RCAN2: variants seen among roughly 807,000 people sequenced by gnomAD.
RCAN2 encodes calcipressin-2.
RCAN2 carries 9 observed loss-of-function variants against 23.6 expected under a neutral mutation model. That is an observed-to-expected ratio of 0.38 (90% CI 0.23 to 0.67). The LOEUF is 0.67. RCAN2 is among the 30% of genes least tolerant of loss of function. RCAN2 has a pLI of 0.51. For missense variants in RCAN2, 273 were observed against 302.3 expected (o/e 0.90, Z 0.72); for synonymous variants, 109 against 115.7 (o/e 0.94, Z 0.37).
intron 4 of RCAN2, among the ~76,000 whole-genome samples, chr6:46,233,804 C>T (rs566511266): frequency 4.6e-5 from 7 of 151,620 alleles, no homozygotes; most frequent in Admixed American, 1.3e-4. Flanking sequence ...CTTGGCTCAC[C>T]GCAACCTCTG....
At position 46,273,410 on chromosome 6, in the gene RCAN2, A is replaced by C. The variant is rs1249696103; in HGVS notation, c.226-24514T>G. Reference sequence around the variant, plus strand: ...TTCAGGGTTTAAAAGTTGCTTTCACATGTGTTGTCTACCTTTGATATTGAT... The same window carrying C: ...TTCAGGGTTTAAAAGTTGCTTTCACCTGTGTTGTCTACCTTTGATATTGAT... On this transcript the variant is annotated intron_variant, in intron 2 of 4. Coordinates refer to ENST00000371374, the MANE Select transcript of RCAN2 (RefSeq NM_001251974.2). Among the ~76,000 whole-genome samples, 4 of 152,188 alleles carry C rather than the reference A, an allele frequency of 2.6e-5. No homozygotes were observed. The East Asian group carries it at 7.7e-4, about 29-fold the overall frequency.
chr6:46,241,740 G>A (rs909001077), intron 4 of RCAN2, among the ~76,000 whole-genome samples: 9 of 152,034 alleles, frequency 5.9e-5, no homozygotes, highest in Non-Finnish European at 8.8e-5. Context: ...TAGCTGTGTC[G>A]CCTTGGGCAA....
intron 2 of RCAN2, among the ~76,000 whole-genome samples, chr6:46,369,932 G>A (rs1241325139): frequency 6.6e-6 from 1 of 152,142 alleles, no homozygotes; most frequent in Non-Finnish European, 1.5e-5. Flanking sequence ...CCCTTAGAGG[G>A]TAGGGTGTTC....
chr6:46,302,430 A>G (rs1762931036), intron 2 of RCAN2, among the ~76,000 whole-genome samples: 1 of 152,090 alleles, frequency 6.6e-6, no homozygotes, highest in Non-Finnish European at 1.5e-5. Context: ...TCTGCTGCCC[A>G]GATCACCAGA....
Position 46,373,773 on chromosome 6 carries a change from G to A in RCAN2, c.225+82979C>T, listed in dbSNP as rs533743015. Among the ~76,000 whole-genome samples, 13 of 152,210 alleles carry A rather than the reference G, an allele frequency of 8.5e-5. No individual in the cohort carries two copies. In the East Asian group the frequency reaches 2.3e-3, roughly 27 times the overall value. ...GAACTTTTTGACTGAGACTTTTGAC[G>A]TATGAGAAGATGAATCAGTCTCTAT... On this transcript the variant is annotated intron_variant, in intron 2 of 4. Transcript: ENST00000371374.
chr6:46,273,612 G>GA (rs1278244222), intron 2 of RCAN2, among the ~76,000 whole-genome samples: 1 of 151,944 alleles, frequency 6.6e-6, no homozygotes, highest in East Asian at 1.9e-4. Flanking sequence ...TATCACATGA[G>GA]AAAAAAATCT....
intron 1 of RCAN2, among the ~76,000 whole-genome samples, chr6:46,468,175 T>A (rs1768447454): frequency 6.6e-6 from 1 of 152,198 alleles, no homozygotes; most frequent in African/African-American, 2.4e-5. Context: ...AATTATACCT[T>A]TACTTAATCT....
intron 1 of RCAN2, among the ~76,000 whole-genome samples, chr6:46,467,473 T>C (rs967125365): frequency 6.6e-6 from 1 of 152,202 alleles, no homozygotes; most frequent in South Asian, 2.1e-4. Flanking sequence ...CTATTATAAG[T>C]GTTAACCATC....
chr6:46,402,926 C>T (rs1461270433), intron 2 of RCAN2, among the ~76,000 whole-genome samples: 1 of 152,072 alleles, frequency 6.6e-6, no homozygotes, highest in Non-Finnish European at 1.5e-5. Flanking sequence ...AAGCCCTTGG[C>T]CCCTACAACA....
chr6:46,384,682 T>C (rs1765696123), intron 2 of RCAN2, among the ~76,000 whole-genome samples: 2 of 152,236 alleles, frequency 1.3e-5, no homozygotes, highest in Admixed American at 6.5e-5. Flanking sequence ...ATAGGACATA[T>C]TGTATGATTA....
chr6:46,454,853 C>T (rs921854989), intron 2 of RCAN2, among the ~76,000 whole-genome samples: 4 of 152,142 alleles, frequency 2.6e-5, no homozygotes, highest in Non-Finnish European at 5.9e-5. Flanking sequence ...CCATGAACTC[C>T]CCCCTCCAGC....
intron 2 of RCAN2, among the ~76,000 whole-genome samples, chr6:46,381,483 C>A (rs985506214): frequency 2.0e-5 from 3 of 152,132 alleles, no homozygotes; most frequent in Admixed American, 6.5e-5. Context: ...TGAGCTATAT[C>A]GCCTTTTACA....
intron 2 of RCAN2, among the ~76,000 whole-genome samples, chr6:46,416,009 T>A (rs955428429): frequency 2.6e-5 from 4 of 152,236 alleles, no homozygotes; most frequent in African/African-American, 9.6e-5. Context: ...ATTGTTGTTA[T>A]GCTGTATTGT....
intron 4 of RCAN2, among the ~76,000 whole-genome samples, chr6:46,237,097 T>C (rs1163047433): frequency 6.6e-6 from 1 of 152,226 alleles, no homozygotes; most frequent in Non-Finnish European, 1.5e-5. Context: ...ACTGTTTACA[T>C]ATTCTACAAG....
rs144481963 is a variant in RCAN2 at position 46,452,642 on chromosome 6, G to A, written c.225+4110C>T. Among the ~76,000 whole-genome samples, 861 of 152,264 alleles carry A rather than the reference G, an allele frequency of 5.7e-3. 6 individuals carry two copies. The highest frequency in any genetic ancestry group is 0.01 in the Middle Eastern group (3 of 294). On this transcript the variant is annotated intron_variant, in intron 2 of 4. Transcript: ENST00000371374. ...AGTAGGGTCCAGGGAATACAATCCT[G>A]ACACGCACCCAGGAAGTAGAGTTAC...
At chr6:46,423,036 A>G (rs1766925904) in intron 2 of RCAN2, among the ~76,000 whole-genome samples, 1 of 152,174 alleles carries the variant, frequency 6.6e-6, no homozygotes, top group Non-Finnish European at 1.5e-5. Flanking sequence ...CAGAGGATCC[A>G]GAGGACCTTG....
intron 2 of RCAN2, among the ~76,000 whole-genome samples, chr6:46,354,877 T>G (rs184441455): frequency 6.6e-6 from 1 of 151,366 alleles, no homozygotes; most frequent in Admixed American, 6.6e-5. Context: ...TGCAGAGACT[T>G]CTCAGGAAAA....
At chr6:46,318,101 A>C (rs1316679031) in intron 2 of RCAN2, among the ~76,000 whole-genome samples, 2 of 152,246 alleles carry the variant, frequency 1.3e-5, no homozygotes, top group Non-Finnish European at 2.9e-5. Flanking sequence ...ATTTGTCACC[A>C]TGTGGTGACA....
intron 2 of RCAN2, among the ~76,000 whole-genome samples, chr6:46,307,747 G>A (rs2150354844): frequency 6.6e-6 from 1 of 152,172 alleles, no homozygotes; most frequent in South Asian, 2.1e-4. Context: ...GAGTAAGGAA[G>A]GAGAATGAAG....
Sources: gnomAD v4.1 joint callset for allele counts (sites outside exome capture counted in the v4.1 genomes callset) on GRCh38, gnomAD v4.1.1 for gene constraint, MANE v1.5 for transcripts, NCBI Gene and HGNC (gene_info 2026-07-23, HGNC 2026-07-21) for gene names.